Variants in TRIM14 observed in about 807,000 individuals in gnomAD.
The protein encoded by TRIM14 is tripartite motif containing 14.
Under a neutral mutation model 44.5 loss-of-function variants are expected in TRIM14, and 28 were observed. That is an observed-to-expected ratio of 0.63 (90% CI 0.47 to 0.86). The LOEUF (loss-of-function observed/expected upper bound fraction) is 0.86. Among genes scored for constraint, TRIM14 ranks in the 40% least tolerant of loss-of-function variants. The pLI is 0.00. For missense variants in TRIM14, 607 were observed against 611.1 expected, an observed-to-expected ratio of 0.99 and a Z score of 0.07; for synonymous variants, 299 against 269.2, an observed-to-expected ratio of 1.11 and a Z score of -1.08.
chr9:98,069,842 A>G (rs370594752), intron 6 of TRIM14, among the ~76,000 whole-genome samples: 297 of 152,320 alleles, frequency 1.9e-3, no homozygotes, highest in African/African-American at 6.9e-3. Context: ...CAGTGCTCAC[A>G]TGAGTCTGTG....
chr9:98,072,925 G>A (rs1829407945), intron 6 of TRIM14, among the ~76,000 whole-genome samples: 1 of 152,208 alleles, frequency 6.6e-6, no homozygotes, highest in African/African-American at 2.4e-5. Flanking sequence ...CTGAGGAAAG[G>A]TTAAGGTGTG....
intron 2 of TRIM14, among the ~76,000 whole-genome samples, chr9:98,108,490 T>C (rs1164898056): frequency 6.6e-6 from 1 of 152,206 alleles, no homozygotes. Context: ...TGGGGAAGAC[T>C]AGACCCTCCA....
At chr9:98,059,302 T>C in the TRIM14 span, among the ~76,000 whole-genome samples, 5 of 152,152 alleles carry the variant, frequency 3.3e-5, no homozygotes, top group East Asian at 9.7e-4. Flanking sequence ...GGATTACAGG[T>C]GTGAGCCACT....
intron 4 of TRIM14, 41 bp downstream of exon 4, chr9:98,094,826 A>T (rs1326062355): frequency 6.9e-6 from 11 of 1,599,516 alleles, no homozygotes; most frequent in Non-Finnish European, 9.4e-6. Flanking sequence ...AAAGGACACT[A>T]GGGGAGTTAA....
intron 1 of TRIM14, among the ~76,000 whole-genome samples, chr9:98,114,769 T>C (rs1292029178): frequency 6.6e-6 from 1 of 152,184 alleles, no homozygotes; most frequent in African/African-American, 2.4e-5. Flanking sequence ...GATCTTACCA[T>C]TGGATTAAGC....
At chr9:98,035,816 G>A in the TRIM14 span, among the ~76,000 whole-genome samples, 1 of 152,224 alleles carries the variant, frequency 6.6e-6, no homozygotes, top group Non-Finnish European at 1.5e-5. Context: ...AATGTGGCCT[G>A]AGAACAGATG....
chr9:98,041,578 G>T, the TRIM14 span, among the ~76,000 whole-genome samples: 2 of 151,732 alleles, frequency 1.3e-5, no homozygotes, highest in Admixed American at 1.3e-4. Flanking sequence ...TGTAACCTCC[G>T]CCTTCTGGGT....
downstream of TRIM14, chr9:98,082,909 C>T (rs774880374): frequency 2.5e-6 from 4 of 1,614,180 alleles, no homozygotes; most frequent in Admixed American, 5.0e-5. Context: ...AATGGACATG[C>T]TCACCGTGAA....
At chr9:98,038,596 T>C in the TRIM14 span, among the ~76,000 whole-genome samples, 39 of 152,206 alleles carry the variant, frequency 2.6e-4, no homozygotes, top group African/African-American at 9.4e-4. Context: ...TTAAATGTGA[T>C]TTCTCTTTTT....
chr9:98,115,930 C>G (rs1770229445), intron 1 of TRIM14: 1 of 152,060 alleles, frequency 6.6e-6, no homozygotes. Context: ...CTTTGGGAGG[C>G]TGAGGTAGGT....
Position 98,087,962 on chromosome 9 carries a change from G to A in TRIM14, c.837C>T (p.Arg279=). Residue 279 remains arginine (R), a synonymous_variant, in exon 6 of 6, where the codon CGC becomes CGT. Transcript: ENST00000341469. ...TCAGGCGATCGGCGGACAGGCGCAG[G>A]CGCGCGTGCATCGTGTCAGGATCCA... The part of the protein sequence containing the change: ...PTLDPDTMHA[R]LRLSADRLTV... 1 of 1,564,114 alleles carries A rather than the reference G, an allele frequency of 6.4e-7. No homozygotes were observed. Among genetic ancestry groups the A allele is most frequent in the East Asian group, 2.4e-5 (1 of 41,022 alleles).
chr9:98,039,992 C>T, the TRIM14 span, among the ~76,000 whole-genome samples: 8 of 152,262 alleles, frequency 5.3e-5, no homozygotes, highest in African/African-American at 1.9e-4. Context: ...CACAGGCACG[C>T]GCCACCATGT....
At chr9:98,109,123 A>G (rs1826739016) in intron 2 of TRIM14, among the ~76,000 whole-genome samples, 1 of 151,756 alleles carries the variant, frequency 6.6e-6, no homozygotes, top group African/African-American at 2.4e-5. Context: ...GGCTCAAGTG[A>G]TCCTCCAGCC....
At chr9:98,081,393 C>T, downstream of TRIM14, 1 of 323,750 alleles carries the variant, frequency 3.1e-6, no homozygotes, top group Non-Finnish European at 5.7e-6. Flanking sequence ...GAATATGTAA[C>T]AGGAGTGAGG....
At chr9:98,092,046 C>A in intron 4 of TRIM14, 45 bp from the exon 5 acceptor site, 1 of 1,476,588 alleles carries the variant, frequency 6.8e-7, no homozygotes, top group South Asian at 1.2e-5. Flanking sequence ...CTTATGCAAG[C>A]AGACAAATAA....
At chr9:98,069,628 G>A (rs892665201) in exon 7 of TRIM14, 1 of 152,290 alleles carries the variant, frequency 6.6e-6, no homozygotes, top group African/African-American at 2.4e-5. Flanking sequence ...AAATGATGCT[G>A]AGTGAGAAAG....
chr9:98,108,890 T>TG (rs1564187956), intron 2 of TRIM14, among the ~76,000 whole-genome samples: 1 of 150,150 alleles, frequency 6.7e-6, no homozygotes, highest in Non-Finnish European at 1.5e-5. Flanking sequence ...TTTTTTTTTT[T>TG]TTTTTTTGAT....
chr9:98,068,375 A>G (rs1378971923), downstream of TRIM14, among the ~76,000 whole-genome samples: 1 of 151,778 alleles, frequency 6.6e-6, no homozygotes, highest in Non-Finnish European at 1.5e-5. Context: ...CCTGATCTCA[A>G]GTGATCTGCC....
At chr9:98,080,470 T>C (rs960018387), downstream of TRIM14, among the ~76,000 whole-genome samples, 2 of 152,286 alleles carry the variant, frequency 1.3e-5, no homozygotes, top group Non-Finnish European at 2.9e-5. Flanking sequence ...GCTAATTAAA[T>C]GTGACAGATG....
Sources: gnomAD v4.1 joint callset for allele counts (sites outside exome capture counted in the v4.1 genomes callset) on GRCh38, gnomAD v4.1.1 for gene constraint, MANE v1.5 for transcripts, NCBI Gene and HGNC (gene_info 2026-07-23, HGNC 2026-07-21) for gene names.